Variants in DNAH12 observed in about 807,000 individuals in gnomAD.
The protein encoded by DNAH12 is dynein axonemal heavy chain 12, also known as axonemal beta dynein heavy chain 12.
A neutral mutation model predicts 371.5 loss-of-function variants in DNAH12; 285 were observed. The observed-to-expected ratio is 0.77, with a 90% confidence interval of 0.70 to 0.85. DNAH12 has a LOEUF of 0.85. Among genes scored for constraint, DNAH12 ranks in the 40% least tolerant of loss-of-function variants. The pLI, the probability that DNAH12 is intolerant of heterozygous loss-of-function variation, is 0.00. For missense variants in DNAH12, 3,611 were observed against 3,689.4 expected, an observed-to-expected ratio of 0.98 and a Z score of 0.55; for synonymous variants, 1,200 against 1,213.0, an observed-to-expected ratio of 0.99 and a Z score of 0.22.
At chr3:57,399,597 A>G (rs1261582034) in intron 43 of DNAH12, among the ~76,000 whole-genome samples, 4 of 152,212 alleles carry the variant, frequency 2.6e-5, no homozygotes, top group Non-Finnish European at 5.9e-5. Context: ...AAAAGGGTCA[A>G]TTTACCAGGA....
chr3:57,538,131 G>T (rs1333989135), intron 2 of DNAH12, among the ~76,000 whole-genome samples: 2 of 152,070 alleles, frequency 1.3e-5, no homozygotes, highest in Non-Finnish European at 2.9e-5. Context: ...TATTAATAAG[G>T]AGAAGGAAAA....
intron 13 of DNAH12, among the ~76,000 whole-genome samples, chr3:57,473,728 AATT>A (rs2066438086): frequency 6.6e-6 from 1 of 150,422 alleles, no homozygotes; most frequent in East Asian, 1.9e-4. Flanking sequence ...ATAGATATAA[AATT>A]ATGTATTGAA....
intron 2 of DNAH12, among the ~76,000 whole-genome samples, chr3:57,537,380 A>G (rs2069090235): frequency 6.6e-6 from 1 of 152,210 alleles, no homozygotes; most frequent in African/African-American, 2.4e-5. Flanking sequence ...AGGCAGGCTC[A>G]TTCTTGAGAC....
rs569015405 is a variant in DNAH12, at chr3:57,323,231, T to A, written c.10159A>T (p.Met3387Leu). ...SLLKFANDKS[M>L]SGNKFQAISL... is the part of the protein sequence containing the mutation. ...ATAGCTTGAAACTTATTTCCAGACA[T>A]AGATTTATCATTTGCAAATTTCAGC... The change falls in exon 64 of 74, where the codon ATG (methionine) becomes TTG (leucine). Residue 3387 changes from methionine (M) to leucine (L), a missense_variant. Physicochemically the swap from Met to Leu is conservative, Grantham distance 15 (BLOSUM62 2). Around this residue, in one of 3 missense-constraint regions of DNAH12, gnomAD observed 2,266 missense variants for 2,236.9 expected, o/e 1.01. Coordinates refer to ENST00000495027, the MANE Select transcript of DNAH12 (RefSeq NM_001366028.2). 9.7e-6 allele frequency: 15 copies of A among 1,551,842 alleles called. No homozygotes were observed. Among genetic ancestry groups the A allele is most frequent in the East Asian group, 4.9e-5 (2 of 40,916 alleles).
chr3:57,348,674 A>G (rs1172883561), intron 60 of DNAH12, among the ~76,000 whole-genome samples: 1 of 152,236 alleles, frequency 6.6e-6, no homozygotes. Context: ...AAGGATGGGC[A>G]AGATATAGAA....
rs2061569760 is a variant in DNAH12, at chr3:57,310,881, C to T, written c.10732G>A (p.Gly3578Arg). 2 of 1,551,598 alleles carry T rather than the reference C, an allele frequency of 1.3e-6. No homozygotes were observed. Among genetic ancestry groups the T allele is most frequent in the Non-Finnish European group, 1.7e-6 (2 of 1,146,922 alleles). ...TCCCAATCGTCTGTCACTCTTCCTCCATAATTACACTCCCCAGTCAGGTAA... is the reference window on the plus strand; with the variant it reads ...TCCCAATCGTCTGTCACTCTTCCTCTATAATTACACTCCCCAGTCAGGTAA... ...ISYLTGECNYGGRVTDDWDRR... is the reference protein window; with the variant it reads ...ISYLTGECNYRGRVTDDWDRR... The change falls in exon 67 of 74, where the codon GGA becomes AGA. Residue 3578 changes from glycine to arginine, a missense_variant. Around this residue, in one of 3 missense-constraint regions of DNAH12, gnomAD observed 2,266 missense variants for 2,236.9 expected, o/e 1.01. Coordinates refer to ENST00000495027, the MANE Select transcript of DNAH12 (RefSeq NM_001366028.2).
Position 57,293,893 on chromosome 3 carries a change from G to A in DNAH12, c.11771C>T (p.Ser3924Phe). 6.5e-7 allele frequency: 1 copy of A among 1,545,018 alleles called. No homozygotes were observed. The highest frequency in any genetic ancestry group is 1.4e-5 in the African/African-American group (1 of 72,576). The change falls in exon 74 of 74, where the codon TCC (serine) becomes TTC (phenylalanine). Residue 3924 changes from serine to phenylalanine, a missense_variant. Ser to Phe is a radical substitution (Grantham distance 155, BLOSUM62 -2). Around this residue, in one of 3 missense-constraint regions of DNAH12, gnomAD observed 2,266 missense variants for 2,236.9 expected, o/e 1.01. Coordinates refer to ENST00000495027, the MANE Select transcript of DNAH12 (RefSeq NM_001366028.2). ...YKTSERKGTLSTTGHSTNFVI... is the reference protein window; with the variant it reads ...YKTSERKGTLFTTGHSTNFVI... ...AAAGTTAGTAGAATGTCCCGTAGTG[G>A]AAAGAGTTCCTTTACGTTCACTTGT...
Position 57,458,015 on chromosome 3 carries a change from C to T in DNAH12, c.3054-12G>A, listed in dbSNP as rs1332464104. The stretch of plus-strand genomic sequence containing the variant: ...ATAAGAAGAAAAAACTAGGGAAAAA[C>T]ATGCAAATACAAAAGTTTTAGTTAT... On this transcript the variant is annotated splice_polypyrimidine_tract_variant and intron_variant, in intron 21 of 73. Coordinates refer to ENST00000495027, the MANE Select transcript of DNAH12 (RefSeq NM_001366028.2). 7.1e-6 allele frequency: 11 copies of T among 1,542,158 alleles called. No homozygotes were observed. Among genetic ancestry groups the T allele is most frequent in the Middle Eastern group, 1.7e-4 (1 of 5,950 alleles).
In DNAH12 at chr3:57,366,910, A is replaced by T. The variant is rs1352711199; in HGVS notation, c.8986T>A (p.Cys2996Ser). 2 of 152,262 alleles carry T rather than the reference A, an allele frequency of 1.3e-5. No individual in the cohort carries two copies. Among genetic ancestry groups the T allele is most frequent in the Admixed American group, 6.5e-5 (1 of 15,282 alleles). 9.4% of individuals were successfully genotyped at this position (152,262 alleles called of 1,614,324 possible). Residue 2996 changes from cysteine (C) to serine (S), a missense_variant, in exon 57 of 74, where the codon TGC (cysteine) becomes AGC (serine). Cys to Ser is a moderately radical substitution (Grantham distance 112). Around this residue, in one of 3 missense-constraint regions of DNAH12, gnomAD observed 2,266 missense variants for 2,236.9 expected, o/e 1.01. Transcript: ENST00000495027. Reference sequence around the variant, plus strand: ...ATAATGACCTCACCAAGTCTGATGCAATCAATGCCACCTATATTTCAGAAA... The same window carrying T: ...ATAATGACCTCACCAAGTCTGATGCTATCAATGCCACCTATATTTCAGAAA... ...RQTFKQGGIDCIRLGEVIIEY... is the reference protein window; with the variant it reads ...RQTFKQGGIDSIRLGEVIIEY...
intron 66 of DNAH12, among the ~76,000 whole-genome samples, chr3:57,313,785 C>A (rs988077731): frequency 6.6e-6 from 1 of 152,050 alleles, no homozygotes; most frequent in Non-Finnish European, 1.5e-5. Flanking sequence ...GTAGCCTGGG[C>A]AACACAGCGA....
chr3:57,384,377 C>T (rs2063458035), intron 49 of DNAH12, among the ~76,000 whole-genome samples: 1 of 152,074 alleles, frequency 6.6e-6, no homozygotes, highest in African/African-American at 2.4e-5. Context: ...AAGCTCATGC[C>T]TGTAATCCCA....
At chr3:57,427,855 C>T (rs1247727421) in intron 34 of DNAH12, among the ~76,000 whole-genome samples, 1 of 152,094 alleles carries the variant, frequency 6.6e-6, no homozygotes, top group Non-Finnish European at 1.5e-5. Flanking sequence ...CCTCTACAAA[C>T]ATCCTGATTT....
At chr3:57,313,903 T>TG (rs1165895878) in intron 66 of DNAH12, among the ~76,000 whole-genome samples, 1 of 152,198 alleles carries the variant, frequency 6.6e-6, no homozygotes, top group Admixed American at 6.5e-5. Context: ...ATACAAGCTC[T>TG]GGGGTCTAAT....
At chr3:57,501,448 A>G (rs1575693874) in intron 10 of DNAH12, 36 bp from the exon 11 acceptor site, 1 of 1,492,036 alleles carries the variant, frequency 6.7e-7, no homozygotes, top group Non-Finnish European at 9.1e-7. Flanking sequence ...TCTCAATAAT[A>G]CCCTTTTTAG....
chr3:57,551,385 C>T, the DNAH12 span, among the ~76,000 whole-genome samples: 15 of 151,998 alleles, frequency 9.9e-5, no homozygotes, highest in Admixed American at 9.8e-4. Context: ...CATTCTCCTG[C>T]CTCAGCCTCC....
At chr3:57,549,893 G>A in the DNAH12 span, among the ~76,000 whole-genome samples, 1 of 151,768 alleles carries the variant, frequency 6.6e-6, no homozygotes, top group Non-Finnish European at 1.5e-5. Context: ...CAAAGTGCTG[G>A]GATTACAGGT....
intron 25 of DNAH12, among the ~76,000 whole-genome samples, chr3:57,447,002 ATGGTTGTGGAGG>A: frequency 6.6e-6 from 1 of 152,238 alleles, no homozygotes; most frequent in Middle Eastern, 3.4e-3. Context: ...GGTTGTGGAG[ATGGTTGTGGAGG>A]ACAATAATGA....
At chr3:57,513,325 C>A (rs2068066904) in intron 4 of DNAH12, among the ~76,000 whole-genome samples, 1 of 152,018 alleles carries the variant, frequency 6.6e-6, no homozygotes, top group South Asian at 2.1e-4. Flanking sequence ...AATGAGAACA[C>A]ATGGACACAG....
intron 49 of DNAH12, among the ~76,000 whole-genome samples, chr3:57,383,194 T>C (rs1367787248): frequency 6.6e-6 from 1 of 152,220 alleles, no homozygotes; most frequent in Non-Finnish European, 1.5e-5. Context: ...CTGATTCTTT[T>C]ACCTCTTCCA....
Sources: gnomAD v4.1 joint callset for allele counts (sites outside exome capture counted in the v4.1 genomes callset) on GRCh38, gnomAD v4.1.1 for gene constraint, gnomAD v4.1.1 regional missense constraint, MANE v1.5 for transcripts, NCBI Gene and HGNC (gene_info 2026-07-23, HGNC 2026-07-21) for gene names.